C4orf51: variants seen among roughly 807,000 people sequenced by gnomAD.
C4orf51 encodes the protein uncharacterized protein C4orf51.
A neutral mutation model predicts 25.2 loss-of-function variants in C4orf51; 25 were observed. The observed-to-expected ratio is 0.99, with a 90% confidence interval of 0.72 to 1.39. The LOEUF (loss-of-function observed/expected upper bound fraction) is 1.39. C4orf51 is among the 40% of genes most tolerant of loss of function. The probability of loss-of-function intolerance (pLI) is 0.00; values close to 1 mark genes in which losing one functional copy is unlikely to be tolerated. For missense variants in C4orf51, 252 were observed against 239.6 expected (o/e 1.05, Z -0.34); for synonymous variants, 100 against 84.5 (o/e 1.18, Z -1.01).
At chr4:145,769,925 A>G (rs1267040631) in intron 1 of C4orf51, among the ~76,000 whole-genome samples, 4 of 152,256 alleles carry the variant, frequency 2.6e-5, no homozygotes, top group Admixed American at 1.3e-4. Context: ...AGACACTGTT[A>G]CATTTTAGAG....
intron 1 of C4orf51, among the ~76,000 whole-genome samples, chr4:145,751,798 T>C (rs137860822): frequency 6.6e-6 from 1 of 152,196 alleles, no homozygotes. Context: ...TCAAAAACTT[T>C]AGAAATCTGC....
At chr4:145,710,563 G>T (rs1731076314) in intron 2 of C4orf51, among the ~76,000 whole-genome samples, 1 of 152,138 alleles carries the variant, frequency 6.6e-6, no homozygotes, top group Non-Finnish European at 1.5e-5. Context: ...TCCCTAGAAG[G>T]TCATATACCA....
At chr4:145,736,145 G>A (rs143193768), downstream of C4orf51, among the ~76,000 whole-genome samples, 957 of 152,086 alleles carry the variant, frequency 6.3e-3, 4 homozygotes, top group Non-Finnish European at 0.01. Context: ...GCTTGAACAC[G>A]TGCTGTAGAA....
At position 145,753,646 on chromosome 4, in the gene C4orf51, C is replaced by T. The variant is rs183730540; in HGVS notation, n.168-561C>T. The stretch of plus-strand genomic sequence containing the variant: ...CTTTTTATTCCTAGTTGGAGTATGG[C>T]TCACAACCCCTTTCATGGTGAGTTT... On this transcript the variant is annotated intron_variant and non_coding_transcript_variant, in intron 1 of 1. Coordinates refer to the C4orf51 transcript ENST00000508981. Among the ~76,000 whole-genome samples the T allele has an allele frequency of 6.1e-3, 924 of 152,268 alleles. 4 individuals are homozygous for T. The highest frequency in any genetic ancestry group is 9.0e-3 in the Non-Finnish European group (613 of 68,008).
downstream of C4orf51, chr4:145,774,747 A>G: frequency 6.7e-7 from 1 of 1,488,240 alleles, no homozygotes; most frequent in Non-Finnish European, 9.2e-7. Context: ...CTGTCCATTT[A>G]TACACAGTAC....
intron 2 of C4orf51, among the ~76,000 whole-genome samples, chr4:145,700,608 A>G (rs1730372174): frequency 1.3e-5 from 2 of 152,116 alleles, no homozygotes; most frequent in South Asian, 4.2e-4. Context: ...AAATAGGCAA[A>G]TGGTCTGAGG....
rs200860506 is a variant in C4orf51 at position 145,729,889 on chromosome 4, T to C, written c.428-3T>C. 82 of 1,612,942 alleles carry C rather than the reference T, an allele frequency of 5.1e-5. 1 individual carries two copies. The African/African-American group carries it at 9.9e-4, about 19-fold the overall frequency. ...TCACACATTGGCTATCTCTTCACCC[T>C]AGGTGTGAGACCTAAAAAGCCAGCA... On this transcript the variant is annotated splice_region_variant and splice_polypyrimidine_tract_variant and intron_variant, in intron 4 of 5. Transcript: ENST00000438731.
chr4:145,777,247 T>C, the C4orf51 span, among the ~76,000 whole-genome samples: 1 of 152,230 alleles, frequency 6.6e-6, no homozygotes, highest in South Asian at 2.1e-4. Context: ...AGAAGTTTTG[T>C]GTTTGTATGA....
At chr4:145,755,488 G>T (rs1042694798), downstream of C4orf51, among the ~76,000 whole-genome samples, 3 of 152,286 alleles carry the variant, frequency 2.0e-5, no homozygotes, top group Admixed American at 2.0e-4. Flanking sequence ...TATAGCAATT[G>T]GTTTTTCTTT....
intron 1 of C4orf51, among the ~76,000 whole-genome samples, chr4:145,690,932 T>A (rs1181090533): frequency 6.6e-6 from 1 of 151,510 alleles, no homozygotes; most frequent in East Asian, 1.9e-4. Context: ...GGAAACCCCA[T>A]CTCCCCGCTC....
intron 1 of C4orf51, among the ~76,000 whole-genome samples, chr4:145,746,847 C>T (rs111721528): frequency 6.6e-6 from 1 of 152,048 alleles, no homozygotes; most frequent in Admixed American, 6.5e-5. Flanking sequence ...AATCCACAAA[C>T]ATGGAATACC....
At chr4:145,709,491 A>G (rs184304834) in intron 2 of C4orf51, among the ~76,000 whole-genome samples, 12 of 152,374 alleles carry the variant, frequency 7.9e-5, no homozygotes, top group African/African-American at 2.9e-4. Context: ...AAGGAAGCCC[A>G]TGTCTTTGTT....
intron 2 of C4orf51, among the ~76,000 whole-genome samples, chr4:145,726,656 C>A (rs1049912629): frequency 1.3e-5 from 2 of 152,138 alleles, no homozygotes; most frequent in African/African-American, 2.4e-5. Flanking sequence ...ATTCTCCTGC[C>A]TTGATCTGCC....
chr4:145,730,710 A>AG (rs1232003673), intron 5 of C4orf51, among the ~76,000 whole-genome samples: 1 of 151,598 alleles, frequency 6.6e-6, no homozygotes, highest in East Asian at 1.9e-4. Flanking sequence ...GTTAAAAAAA[A>AG]AACCCTGACC....
At chr4:145,693,852 C>A (rs1232761183) in intron 1 of C4orf51, among the ~76,000 whole-genome samples, 1 of 89,394 alleles carries the variant, frequency 1.1e-5, no homozygotes, top group Admixed American at 1.2e-4. Flanking sequence ...TGACCCCCCC[C>A]ACCTCCCTCC....
chr4:145,733,004 G>T (rs527904370), downstream of C4orf51, among the ~76,000 whole-genome samples: 1 of 152,316 alleles, frequency 6.6e-6, no homozygotes, highest in South Asian at 2.1e-4. Context: ...GCAAGGCGCC[G>T]CCGGGAAGCG....
intron 1 of C4orf51, among the ~76,000 whole-genome samples, chr4:145,688,697 G>A (rs1199725920): frequency 1.3e-5 from 2 of 152,136 alleles, no homozygotes; most frequent in Non-Finnish European, 2.9e-5. Context: ...CCCAGTCTCA[G>A]GTAGTATCTT....
chr4:145,737,533 G>A (rs193148120), downstream of C4orf51, among the ~76,000 whole-genome samples: 36 of 152,226 alleles, frequency 2.4e-4, no homozygotes, highest in African/African-American at 7.9e-4. Flanking sequence ...GCACATCTTT[G>A]GTAGATTTTC....
rs760771523 is a variant in C4orf51 at position 145,761,624 on chromosome 4, G to A, written n.167-9364G>A. 39 of 1,217,828 alleles carry A rather than the reference G, an allele frequency of 3.2e-5. No individual in the cohort carries two copies. The South Asian group carries it at 5.2e-4, about 16-fold the overall frequency. 75.4% of individuals were successfully genotyped at this position (1,217,828 alleles called of 1,614,324 possible). A position where few individuals can be genotyped will look rare whatever the true frequency, so the allele number is the denominator to read the frequency against. On this transcript the variant is annotated intron_variant and non_coding_transcript_variant, in intron 1 of 1. Transcript: ENST00000510096. The surrounding 1 kb of genome is among the most constrained non-coding windows in gnomAD (Gnocchi z 6.8). ...CTGCCGGGGAAAGCAACGCAAGGGA[G>A]GTTCAGCCGGGAAGGTTCGGAGGCA... is the stretch of plus-strand genomic sequence containing the variant.
Sources: gnomAD v4.1 joint callset for allele counts (sites outside exome capture counted in the v4.1 genomes callset) on GRCh38, gnomAD v4.1.1 for gene constraint, Gnocchi (gnomAD v3.1) non-coding constraint, MANE v1.5 for transcripts, NCBI Gene and HGNC (gene_info 2026-07-23, HGNC 2026-07-21) for gene names.